IMMP2L: variants seen among roughly 807,000 people sequenced by gnomAD.
IMMP2L encodes inner mitochondrial membrane peptidase subunit 2.
A neutral mutation model predicts 19.3 loss-of-function variants in IMMP2L; 18 were observed. The observed-to-expected ratio is 0.93, with a 90% CI of 0.64 to 1.38. The LOEUF (loss-of-function observed/expected upper bound fraction) is 1.38, where lower values mean the gene tolerates loss of function less well. IMMP2L is among the 40% of genes most tolerant of loss of function. The pLI is 0.00. For missense variants in IMMP2L, 233 were observed against 218.2 expected, an observed-to-expected ratio of 1.07 and a Z score of -0.43; for synonymous variants, 76 against 73.0, an observed-to-expected ratio of 1.04 and a Z score of -0.21.
intron 2 of IMMP2L, among the ~76,000 whole-genome samples, chr7:111,499,862 C>A (rs1274898944): frequency 1.3e-5 from 2 of 152,140 alleles, no homozygotes; most frequent in African/African-American, 4.8e-5. Flanking sequence ...CTCTGGTCTA[C>A]AGCTCCCAGA....
At chr7:111,366,623 C>T (rs1166928495) in intron 3 of IMMP2L, among the ~76,000 whole-genome samples, 4 of 151,782 alleles carry the variant, frequency 2.6e-5, no homozygotes, top group African/African-American at 9.7e-5. Context: ...TTTACTGACA[C>T]TGGATATTAT....
chr7:111,207,534 G>GTTTT (rs376864629), intron 3 of IMMP2L, among the ~76,000 whole-genome samples: 39 of 90,104 alleles, frequency 4.3e-4, no homozygotes, highest in South Asian at 1.0e-3. Flanking sequence ...TTTATTTTTG[G>GTTTT]TTTTTTTTTT....
chr7:111,127,869 T>A (rs1441824028), intron 3 of IMMP2L, among the ~76,000 whole-genome samples: 1 of 152,142 alleles, frequency 6.6e-6, no homozygotes, highest in Non-Finnish European at 1.5e-5. Flanking sequence ...AAAATAAAAT[T>A]AAGATTTTCT....
chr7:111,468,734 G>GCCA (rs1840924081), intron 3 of IMMP2L, among the ~76,000 whole-genome samples: 7 of 152,060 alleles, frequency 4.6e-5, no homozygotes, highest in Non-Finnish European at 1.5e-5. Context: ...TGTGGCACCT[G>GCCA]GACTTAGTAA....
At chr7:111,481,944 C>A (rs1311269419) in intron 3 of IMMP2L, among the ~76,000 whole-genome samples, 1 of 152,176 alleles carries the variant, frequency 6.6e-6, no homozygotes, top group African/African-American at 2.4e-5. Flanking sequence ...GTAGTCCCAG[C>A]CACTCAGGAG....
Position 111,213,644 on chromosome 7 carries a change from G to T in IMMP2L, c.240-250079C>A, listed in dbSNP as rs1414615801. On this transcript the variant is annotated intron_variant, in intron 3 of 5. Transcript: ENST00000405709. The surrounding 1 kb of genome is among the most constrained non-coding windows in gnomAD (Gnocchi z 4.8). Reference sequence around the variant, plus strand: ...GAACCCCAGACTCACCCAGACTCAAGAAATCGATGGAACCACTAGCTGTAG... The same window carrying T: ...GAACCCCAGACTCACCCAGACTCAATAAATCGATGGAACCACTAGCTGTAG... Among the ~76,000 whole-genome samples, 1 of 152,142 alleles carries T rather than the reference G, an allele frequency of 6.6e-6. No individual in the cohort carries two copies. Among genetic ancestry groups the T allele is most frequent in the Non-Finnish European group, 1.5e-5 (1 of 68,014 alleles).
At chr7:110,963,464 T>A in intron 4 of IMMP2L, 36 bp downstream of exon 4, 1 of 1,447,990 alleles carries the variant, frequency 6.9e-7, no homozygotes, top group Non-Finnish European at 9.6e-7. Context: ...TCTAGATATT[T>A]AAAACTTGAA....
chr7:111,071,177 A>G (rs1262938598), intron 3 of IMMP2L, among the ~76,000 whole-genome samples: 1 of 152,148 alleles, frequency 6.6e-6, no homozygotes, highest in Non-Finnish European at 1.5e-5. Context: ...ATGTTACTTC[A>G]CACACACTAA....
At chr7:110,715,400 A>G (rs564954106) in intron 5 of IMMP2L, among the ~76,000 whole-genome samples, 2 of 152,276 alleles carry the variant, frequency 1.3e-5, no homozygotes, top group South Asian at 4.1e-4. Flanking sequence ...TGAGGTAGGC[A>G]TTTAGTGCTA....
chr7:111,017,291 T>C (rs917747429), intron 3 of IMMP2L, among the ~76,000 whole-genome samples: 3 of 151,816 alleles, frequency 2.0e-5, no homozygotes, highest in African/African-American at 7.3e-5. Context: ...CTCACACTCC[T>C]AGGCTCAAGT....
At chr7:110,700,857 C>T (rs567841789) in intron 5 of IMMP2L, among the ~76,000 whole-genome samples, 1 of 152,200 alleles carries the variant, frequency 6.6e-6, no homozygotes, top group Admixed American at 6.5e-5. Flanking sequence ...TTCCTATGTA[C>T]TGATATAGTA....
In IMMP2L at chr7:111,404,591, C is replaced by G. The variant is rs139706328; in HGVS notation, c.239+82647G>C. 2.1e-3 allele frequency among the ~76,000 whole-genome samples: 313 copies of G among 152,062 alleles called. 4 individuals carry two copies. The highest frequency in any genetic ancestry group is 7.1e-3 in the African/African-American group (295 of 41,486). On this transcript the variant is annotated intron_variant, in intron 3 of 5. Transcript: ENST00000405709. ...AACCACTTAACTATTTCAGTGAAAACAGGTAGAAAGAAAGTCTATAAACTA... is the reference window on the plus strand; with the variant it reads ...AACCACTTAACTATTTCAGTGAAAAGAGGTAGAAAGAAAGTCTATAAACTA...
intron 3 of IMMP2L, among the ~76,000 whole-genome samples, chr7:111,174,489 A>G (rs1233109672): frequency 6.6e-6 from 1 of 151,676 alleles, no homozygotes; most frequent in Non-Finnish European, 1.5e-5. Context: ...ACCTCACTCA[A>G]TGCAAAAAAA....
intron 3 of IMMP2L, among the ~76,000 whole-genome samples, chr7:111,252,658 A>G (rs576326236): frequency 2.5e-4 from 38 of 152,292 alleles, no homozygotes; most frequent in African/African-American, 8.4e-4. Context: ...GGGGTCCTTG[A>G]GCATTTAAAT....
At chr7:111,154,152 T>A (rs2051797) in intron 3 of IMMP2L, among the ~76,000 whole-genome samples, 1 of 151,952 alleles carries the variant, frequency 6.6e-6, no homozygotes, top group African/African-American at 2.4e-5. Flanking sequence ...TAAAGAAGTA[T>A]ATGCTCTATT....
At chr7:111,289,521 A>G (rs1194383377) in intron 3 of IMMP2L, among the ~76,000 whole-genome samples, 4 of 152,084 alleles carry the variant, frequency 2.6e-5, no homozygotes, top group Admixed American at 6.6e-5. Context: ...AATCGTTATC[A>G]TGATGAACTG....
chr7:111,522,535 CA>C lies in IMMP2L; in HGVS notation c.-2-1087del, dbSNP rs369424528. On this transcript the variant is annotated intron_variant, in intron 1 of 5. Coordinates refer to ENST00000405709, the MANE Select transcript of IMMP2L (RefSeq NM_032549.4). ...TCTCAAAAGAAGACATACAAATAGC[CA>C]ACAGGTATATGAAAAGAATGCGCAG... Among the ~76,000 whole-genome samples the C allele has an allele frequency of 5.5e-4, 83 of 152,052 alleles. 2 individuals are homozygous for C. The highest frequency in any genetic ancestry group is 1.9e-3 in the African/African-American group (77 of 41,490).
intron 3 of IMMP2L, among the ~76,000 whole-genome samples, chr7:111,372,186 T>A (rs1161504972): frequency 1.3e-5 from 2 of 152,014 alleles, no homozygotes; most frequent in Non-Finnish European, 2.9e-5. Flanking sequence ...GATACCCCAT[T>A]TTATATGATG....
At chr7:111,464,257 T>A (rs902978292) in intron 3 of IMMP2L, among the ~76,000 whole-genome samples, 4 of 152,182 alleles carry the variant, frequency 2.6e-5, no homozygotes, top group African/African-American at 4.8e-5. Flanking sequence ...GAGAATCGTT[T>A]GAAGTCAGGA....
Sources: gnomAD v4.1 joint callset for allele counts (sites outside exome capture counted in the v4.1 genomes callset) on GRCh38, gnomAD v4.1.1 for gene constraint, Gnocchi (gnomAD v3.1) non-coding constraint, MANE v1.5 for transcripts, NCBI Gene and HGNC (gene_info 2026-07-23, HGNC 2026-07-21) for gene names.